The following CLEC2A variants were observed in gnomAD, a reference collection of about 807,000 sequenced individuals.
The protein encoded by CLEC2A is C-type lectin domain family 2 member A, also known as keratinocyte-associated C-type lectin.
Under a neutral mutation model 18.6 loss-of-function variants are expected in CLEC2A, and 19 were observed. The observed-to-expected ratio is 1.02, with a 90% CI of 0.71 to 1.50. CLEC2A has a LOEUF of 1.50. Among genes scored for constraint, CLEC2A ranks in the 40% most tolerant of loss-of-function variants. The pLI, the probability that CLEC2A is intolerant of heterozygous loss-of-function variation, is 0.00. For synonymous variants in CLEC2A, 74 were observed against 64.0 expected (o/e 1.16, Z -0.75); for missense variants, 190 against 207.9 (o/e 0.91, Z 0.53).
At chr12:9,900,857 C>T (rs1458492354) in intron 4 of CLEC2A, among the ~76,000 whole-genome samples, 1 of 152,132 alleles carries the variant, frequency 6.6e-6, no homozygotes, top group Admixed American at 6.6e-5. Context: ...GTAAAATAAA[C>T]ACTTTCTCCA....
At chr12:9,930,803 A>G (rs1319394450) in intron 1 of CLEC2A, among the ~76,000 whole-genome samples, 1 of 150,784 alleles carries the variant, frequency 6.6e-6, no homozygotes, top group Admixed American at 6.6e-5. Flanking sequence ...TATTTTTCAT[A>G]TCTCTCAGCT....
chr12:9,881,414 CAT>C, the CLEC2A span: 652 of 531,824 alleles, frequency 1.2e-3, 9 homozygotes, highest in East Asian at 0.016. Context: ...TATCCATTTT[CAT>C]TTACCAACAC....
intron 1 of CLEC2A, among the ~76,000 whole-genome samples, chr12:9,928,351 C>T (rs767346251): frequency 2.6e-5 from 4 of 152,084 alleles, no homozygotes; most frequent in Admixed American, 6.5e-5. Context: ...CCTGTAATCC[C>T]AGCTACTCGG....
At chr12:9,904,923 T>C (rs901348023) in intron 4 of CLEC2A, among the ~76,000 whole-genome samples, 5 of 152,200 alleles carry the variant, frequency 3.3e-5, no homozygotes, top group Admixed American at 1.3e-4. Flanking sequence ...CAGGGACTTT[T>C]TAAGGCTCCA....
downstream of CLEC2A, among the ~76,000 whole-genome samples, chr12:9,909,405 A>G (rs190767040): frequency 2.6e-5 from 4 of 152,312 alleles, no homozygotes; most frequent in African/African-American, 9.6e-5. Context: ...TAGTGGCCCT[A>G]AGGATCATGC....
chr12:9,905,615 C>G (rs537482586), intron 4 of CLEC2A, among the ~76,000 whole-genome samples: 67 of 152,248 alleles, frequency 4.4e-4, no homozygotes, highest in African/African-American at 1.5e-3. Flanking sequence ...GGAACCAAGT[C>G]TCTAGGACTA....
intron 1 of CLEC2A, among the ~76,000 whole-genome samples, chr12:9,927,991 C>T (rs774488105): frequency 6.0e-4 from 91 of 151,896 alleles, no homozygotes; most frequent in Non-Finnish European, 1.1e-3. Flanking sequence ...CTTTACCATA[C>T]GACAACATCA....
chr12:9,904,735 T>G (rs1422941742), intron 4 of CLEC2A, among the ~76,000 whole-genome samples: 1 of 152,160 alleles, frequency 6.6e-6, no homozygotes, highest in Admixed American at 6.5e-5. Flanking sequence ...GGGCCATTGT[T>G]TGGAGATTAT....
the CLEC2A span, among the ~76,000 whole-genome samples, chr12:9,885,386 C>T: frequency 6.6e-6 from 1 of 151,562 alleles, no homozygotes; most frequent in Non-Finnish European, 1.5e-5. Flanking sequence ...GGTAGACTTC[C>T]AGACTTTTTT....
chr12:9,928,213 C>T (rs535335618), intron 1 of CLEC2A, among the ~76,000 whole-genome samples: 1 of 152,092 alleles, frequency 6.6e-6, no homozygotes, highest in Non-Finnish European at 1.5e-5. Context: ...TGCCTGTAAT[C>T]CCAGCACTTT....
chr12:9,905,229 G>A (rs142966430), intron 4 of CLEC2A, among the ~76,000 whole-genome samples: 2 of 152,260 alleles, frequency 1.3e-5, no homozygotes, highest in South Asian at 2.1e-4. Flanking sequence ...CTCACATGTG[G>A]TGTGTCCATC....
At chr12:9,903,839 C>T (rs570349637) in intron 4 of CLEC2A, among the ~76,000 whole-genome samples, 11 of 152,138 alleles carry the variant, frequency 7.2e-5, no homozygotes, top group Non-Finnish European at 1.6e-4. Context: ...GGACTCCTCT[C>T]GGGACTCCAA....
the CLEC2A span, chr12:9,892,885 G>C: frequency 4.3e-6 from 3 of 702,140 alleles, no homozygotes; most frequent in East Asian, 8.7e-5. Context: ...CGCCTGGTCT[G>C]AACTCCTTTT....
the CLEC2A span, among the ~76,000 whole-genome samples, chr12:9,886,739 A>C: frequency 2.8e-4 from 40 of 142,646 alleles, no homozygotes; most frequent in Non-Finnish European, 5.0e-4. Context: ...CTATTTACAC[A>C]GTGGATTTTG....
At chr12:9,926,784 A>G (rs1446824143) in intron 1 of CLEC2A, among the ~76,000 whole-genome samples, 1 of 152,170 alleles carries the variant, frequency 6.6e-6, no homozygotes, top group African/African-American at 2.4e-5. Flanking sequence ...AATGAGAGAT[A>G]TATTTTTCTT....
Position 9,899,304 on chromosome 12 carries a change from A to G in CLEC2A, c.411-328T>C, listed in dbSNP as rs865893773. ...ATTACCTAACTGAGAGGAGTATCTCATAGTATGGAGACACAATTACCTAAC... is the reference window on the plus strand; with the variant it reads ...ATTACCTAACTGAGAGGAGTATCTCGTAGTATGGAGACACAATTACCTAAC... On this transcript the variant is annotated intron_variant, in intron 4 of 4. Coordinates refer to the CLEC2A transcript ENST00000339766. Among the ~76,000 whole-genome samples, 14 of 152,278 alleles carry G rather than the reference A, an allele frequency of 9.2e-5. 1 individual carries two copies. The South Asian group carries it at 1.0e-3, about 11-fold the overall frequency.
chr12:9,878,107 A>T, the CLEC2A span, among the ~76,000 whole-genome samples: 3 of 133,496 alleles, frequency 2.2e-5, no homozygotes, highest in South Asian at 6.8e-4. Flanking sequence ...TAACAGAACA[A>T]GACCCTGTCT....
chr12:9,899,000 G>A (rs1189151422), intron 4 of CLEC2A: 16 of 708,840 alleles, frequency 2.3e-5, no homozygotes, highest in South Asian at 5.9e-5. Flanking sequence ...CAGACAAACC[G>A]GATTATTAGA....
the CLEC2A span, chr12:9,893,234 A>T: frequency 1.4e-6 from 2 of 1,432,642 alleles, no homozygotes; most frequent in African/African-American, 1.4e-5. Flanking sequence ...TTCACTGCCT[A>T]AGAAGCTTGG....
Sources: gnomAD v4.1 joint callset for allele counts (sites outside exome capture counted in the v4.1 genomes callset) on GRCh38, gnomAD v4.1.1 for gene constraint, MANE v1.5 for transcripts, NCBI Gene and HGNC (gene_info 2026-07-23, HGNC 2026-07-21) for gene names.